Variants in CPVL observed in about 807,000 individuals in gnomAD.
CPVL encodes carboxypeptidase vitellogenic like.
Under a neutral mutation model 63.7 loss-of-function variants are expected in CPVL, and 51 were observed. That is an observed-to-expected ratio of 0.80 (90% CI 0.64 to 1.01). The LOEUF is 1.01. Among genes scored for constraint, CPVL ranks in the 50% least tolerant of loss-of-function variants. CPVL has a pLI of 0.00. For missense variants in CPVL, 530 were observed against 573.1 expected (o/e 0.92, Z 0.77); for synonymous variants, 195 against 206.0 (o/e 0.95, Z 0.46).
chr7:29,055,130 T>G (rs191160118), intron 11 of CPVL, among the ~76,000 whole-genome samples: 1 of 152,254 alleles, frequency 6.6e-6, no homozygotes, highest in Non-Finnish European at 1.5e-5. Flanking sequence ...ATTCACAGGC[T>G]GTAGCCTGTT....
chr7:29,088,612 G>A (rs1215134208), intron 6 of CPVL, among the ~76,000 whole-genome samples: 1 of 152,024 alleles, frequency 6.6e-6, no homozygotes, highest in Non-Finnish European at 1.5e-5. Flanking sequence ...CTTATTACAT[G>A]GTGAGCATTT....
chr7:29,195,027 G>T (rs1350916261), intron 1 of CPVL: 4 of 1,576,640 alleles, frequency 2.5e-6, no homozygotes, highest in Non-Finnish European at 3.4e-6. Context: ...TGCCGCGCCG[G>T]GTCTCGCCCC....
At chr7:28,996,549 C>CAAAAAAA (rs549584191) in intron 12 of CPVL, among the ~76,000 whole-genome samples, 2 of 113,584 alleles carry the variant, frequency 1.8e-5, no homozygotes, top group Non-Finnish European at 2.0e-5. Flanking sequence ...AACCAAAAAA[C>CAAAAAAA]AAAAAAAAAA....
chr7:29,121,403 C>A (rs1789357812), intron 1 of CPVL, among the ~76,000 whole-genome samples: 2 of 152,056 alleles, frequency 1.3e-5, no homozygotes, highest in African/African-American at 4.8e-5. Context: ...TGAGCTCAAG[C>A]AATCCTCCCA....
intron 11 of CPVL, among the ~76,000 whole-genome samples, chr7:29,062,027 C>T (rs1474357714): frequency 6.6e-6 from 1 of 152,026 alleles, no homozygotes; most frequent in Non-Finnish European, 1.5e-5. Context: ...ATCTGCTCTC[C>T]TCTCAAAAAA....
chr7:29,147,157 A>G (rs1036887320), upstream of CPVL: 9 of 718,832 alleles, frequency 1.3e-5, no homozygotes, highest in African/African-American at 1.6e-4. Context: ...AGCCACCACC[A>G]GGTGCTGGGC....
intron 7 of CPVL, among the ~76,000 whole-genome samples, chr7:29,079,586 A>G (rs1784509856): frequency 6.6e-6 from 1 of 152,238 alleles, no homozygotes; most frequent in Non-Finnish European, 1.5e-5. Flanking sequence ...GTCCATTCTC[A>G]ATAAATATTC....
intron 5 of CPVL, among the ~76,000 whole-genome samples, chr7:29,161,114 T>C (rs976930075): frequency 6.6e-6 from 1 of 152,188 alleles, no homozygotes; most frequent in African/African-American, 2.4e-5. Flanking sequence ...CCCTTCGTTC[T>C]ACCTTATCTA....
chr7:29,123,723 C>T (rs1344475216), intron 1 of CPVL, among the ~76,000 whole-genome samples: 3 of 105,896 alleles, frequency 2.8e-5, no homozygotes, highest in Non-Finnish European at 5.4e-5. Flanking sequence ...TTTTTTTCCC[C>T]TGGGGACAGA....
rs186719716 is a variant in CPVL, at chr7:29,096,799, C to T, written c.289-582G>A. On this transcript the variant is annotated intron_variant, in intron 3 of 12. Coordinates refer to ENST00000265394, the MANE Select transcript of CPVL (RefSeq NM_031311.5). ...AGGAGTTCAAGACCAGCCTGGCCAA[C>T]ATAGTGAAACCCTGTCTCTACTAAA... Among the ~76,000 whole-genome samples the T allele has an allele frequency of 1.5e-3, 221 of 152,194 alleles. 1 individual carries two copies. The highest frequency in any genetic ancestry group is 5.1e-3 in the African/African-American group (212 of 41,524).
Position 29,064,100 on chromosome 7 carries a change from T to C in CPVL, c.1098A>G (p.Ser366=), listed in dbSNP as rs1782909615. Residue 366 remains serine (S), a synonymous_variant, in exon 11 of 13, where the codon TCA becomes TCG. Coordinates refer to ENST00000265394, the MANE Select transcript of CPVL (RefSeq NM_031311.5). ...EKYLREDTVQ[S]VKPWLTEIMN... ...TGATTTCAGTTAACCATGGCTTAAC[T>C]GACTGTACTGTATCTTCTCGCAAGT... The C allele has an allele frequency of 6.2e-7, 1 of 1,613,082 alleles. No individual in the cohort carries two copies. The highest frequency in any genetic ancestry group is 1.1e-5 in the South Asian group (1 of 91,036).
chr7:28,999,844 A>G (rs1784443927), intron 12 of CPVL, among the ~76,000 whole-genome samples: 1 of 152,190 alleles, frequency 6.6e-6, no homozygotes, highest in South Asian at 2.1e-4. Context: ...CATTTTACTG[A>G]TATTAACTTC....
At chr7:29,054,920 C>G (rs891223301) in intron 11 of CPVL, among the ~76,000 whole-genome samples, 1 of 152,200 alleles carries the variant, frequency 6.6e-6, no homozygotes, top group Non-Finnish European at 1.5e-5. Context: ...AATTCAACAA[C>G]TGTATCATTC....
chr7:29,056,001 A>G (rs1790693899), intron 11 of CPVL, among the ~76,000 whole-genome samples: 1 of 152,202 alleles, frequency 6.6e-6, no homozygotes, highest in South Asian at 2.1e-4. Context: ...CAATTAACTT[A>G]AAAAAAGGTA....
intron 6 of CPVL, among the ~76,000 whole-genome samples, chr7:29,088,716 C>A (rs576249265): frequency 7.2e-5 from 11 of 152,190 alleles, no homozygotes; most frequent in African/African-American, 2.6e-4. Flanking sequence ...AGTGGCCGGG[C>A]GCGGTGGCTC....
Position 29,066,097 on chromosome 7 carries a change from C to T in CPVL, c.889G>A (p.Asp297Asn), listed in dbSNP as rs867366193. Reference protein sequence around the residue: ...FEILDKLLDGDLTSDPSYFQN... With the variant: ...FEILDKLLDGNLTSDPSYFQN... ...AAGTAAGAAGGATCACTTGTTAAGT[C>T]GCCATCTAGTAGTTTATCCAGTATC... is the stretch of plus-strand genomic sequence containing the variant. The change falls in exon 10 of 13, where the codon GAC (aspartate) becomes AAC (asparagine). Residue 297 changes from aspartate (D) to asparagine (N), a missense_variant. Asp to Asn is a conservative substitution (Grantham distance 23). Coordinates refer to ENST00000265394, the MANE Select transcript of CPVL (RefSeq NM_031311.5). The T allele has an allele frequency of 5.0e-6, 8 of 1,598,322 alleles. No individual in the cohort carries two copies. The South Asian group carries it at 5.6e-5, about 11-fold the overall frequency.
intron 4 of CPVL, among the ~76,000 whole-genome samples, chr7:29,181,654 A>G (rs1373388673): frequency 6.6e-6 from 1 of 152,228 alleles, no homozygotes; most frequent in Non-Finnish European, 1.5e-5. Flanking sequence ...TAGCTTTATT[A>G]TGGCCTCCAA....
intron 1 of CPVL, among the ~76,000 whole-genome samples, chr7:29,137,743 T>A (rs1170363807): frequency 6.6e-6 from 1 of 152,228 alleles, no homozygotes; most frequent in East Asian, 1.9e-4. Flanking sequence ...CCAAATAATT[T>A]CTTCTTAACG....
chr7:29,115,416 T>G (rs1230039378), intron 2 of CPVL, among the ~76,000 whole-genome samples: 1 of 152,150 alleles, frequency 6.6e-6, no homozygotes, highest in Non-Finnish European at 1.5e-5. Flanking sequence ...GAGGATCTTA[T>G]GAGAAAGAAA....
Sources: gnomAD v4.1 joint callset for allele counts (sites outside exome capture counted in the v4.1 genomes callset) on GRCh38, gnomAD v4.1.1 for gene constraint, MANE v1.5 for transcripts, NCBI Gene and HGNC (gene_info 2026-07-23, HGNC 2026-07-21) for gene names.